SUMF2: variants seen among roughly 807,000 people sequenced by gnomAD.
SUMF2 encodes sulfatase modifying factor 2, also known as inactive C-alpha-formylglycine-generating enzyme 2.
SUMF2 carries 45 observed loss-of-function variants against 44.8 expected under a neutral mutation model. That is an observed-to-expected ratio of 1.00 (90% CI 0.79 to 1.29). The LOEUF is 1.29. Ranked by LOEUF, SUMF2 falls within the 50% of genes most tolerant of loss-of-function variation. The probability of loss-of-function intolerance (pLI) is 0.00; values close to 1 mark genes in which losing one functional copy is unlikely to be tolerated. For synonymous variants in SUMF2, 148 were observed against 150.4 expected (o/e 0.98, Z 0.12); for missense variants, 418 against 389.9 (o/e 1.07, Z -0.61).
Position 56,068,521 on chromosome 7 carries a change from G to A in SUMF2, c.107G>A (p.Gly36Glu). 6.2e-7 allele frequency: 1 copy of A among 1,613,800 alleles called. No individual in the cohort carries two copies. The change falls in exon 2 of 9, where the codon GGG becomes GAG. Residue 36 changes from glycine (G) to glutamate (E), a missense_variant. Gly to Glu is a moderately conservative substitution (Grantham distance 98). Coordinates refer to ENST00000434526, the MANE Select transcript of SUMF2 (RefSeq NM_015411.4). ...ACTAGCATGGTCCAACTGCAGGGTGGGAGATTCCTGATGGGAACAAATTCT... is the reference window on the plus strand; with the variant it reads ...ACTAGCATGGTCCAACTGCAGGGTGAGAGATTCCTGATGGGAACAAATTCT... ...QATSMVQLQG[G>E]RFLMGTNSPD...
chr7:56,069,689 C>T lies in SUMF2; in HGVS notation c.224+1051C>T, dbSNP rs776382642. ...TGATCTCAGCTCGCTGCAGCCTCTGCGTCCCAGGCTCAAACCATCACCTGG... is the reference window on the plus strand; with the variant it reads ...TGATCTCAGCTCGCTGCAGCCTCTGTGTCCCAGGCTCAAACCATCACCTGG... On this transcript the variant is annotated intron_variant, in intron 2 of 8. Transcript: ENST00000434526. 5.4e-4 allele frequency among the ~76,000 whole-genome samples: 82 copies of T among 152,060 alleles called. 1 individual carries two copies. The highest frequency in any genetic ancestry group is 6.8e-3 in the Middle Eastern group (2 of 294).
At chr7:56,069,328 G>A (rs1451329041) in intron 2 of SUMF2, among the ~76,000 whole-genome samples, 1 of 152,082 alleles carries the variant, frequency 6.6e-6, no homozygotes, top group Non-Finnish European at 1.5e-5. Flanking sequence ...TTATAGGCCA[G>A]GTGTGCTGGC....
In SUMF2 at chr7:56,073,068, TTGTCTC is replaced by T; in HGVS notation, c.299_304del (p.Val100_Ser101del). On this transcript the variant is annotated inframe_deletion, in exon 3 of 9. Transcript: ENST00000434526. ...GGATGGAGCTTTGTCTTTGAGGACT[TTGTCTC>T]TGATGAGCTGAGAAACAAAGCCACC... 1.2e-6 allele frequency: 2 copies of T among 1,608,584 alleles called. No homozygotes were observed. The highest frequency in any genetic ancestry group is 1.7e-6 in the Non-Finnish European group (2 of 1,180,000).
At chr7:56,086,249 A>T in the SUMF2 span, among the ~76,000 whole-genome samples, 9 of 151,962 alleles carry the variant, frequency 5.9e-5, no homozygotes, top group Non-Finnish European at 1.3e-4. Context: ...CCCCCAGTGG[A>T]TGCCTGAAAC....
At position 56,068,475 on chromosome 7, in the gene SUMF2, T is replaced by C; in HGVS notation, c.68-7T>C. 2 of 1,597,586 alleles carry C rather than the reference T, an allele frequency of 1.3e-6. No individual in the cohort carries two copies. The highest frequency in any genetic ancestry group is 1.7e-6 in the Non-Finnish European group (2 of 1,176,112). ...GTATTACTGGTAACTCTCTTTTTTCTCTGCAGGAAATGGACAGGCTACTAG... is the reference window on the plus strand; with the variant it reads ...GTATTACTGGTAACTCTCTTTTTTCCCTGCAGGAAATGGACAGGCTACTAG... On this transcript the variant is annotated splice_region_variant and splice_polypyrimidine_tract_variant and intron_variant, in intron 1 of 8. Coordinates refer to ENST00000434526, the MANE Select transcript of SUMF2 (RefSeq NM_015411.4).
At chr7:56,075,966 G>T (rs1795512657) in intron 5 of SUMF2, among the ~76,000 whole-genome samples, 1 of 150,176 alleles carries the variant, frequency 6.7e-6, no homozygotes, top group Admixed American at 6.6e-5. Context: ...GGGTTCAAGG[G>T]ATTCTCCTGC....
chr7:56,083,285 C>T (rs56084807), downstream of SUMF2: 236 of 1,613,868 alleles, frequency 1.5e-4, 2 homozygotes, highest in East Asian at 5.1e-3. Context: ...GACCTCGCAG[C>T]CTCTCTCCCG....
chr7:56,078,900 AT>A, intron 8 of SUMF2: 1 of 479,788 alleles, frequency 2.1e-6, no homozygotes, highest in Non-Finnish European at 3.7e-6. Flanking sequence ...CACACGAAAA[AT>A]CTTTTTTTTT....
chr7:56,080,959 C>T, downstream of SUMF2: 1 of 1,430,828 alleles, frequency 7.0e-7, no homozygotes, highest in Non-Finnish European at 9.5e-7. Flanking sequence ...AGTGCTCCTT[C>T]TGCAGAGGCC....
In SUMF2 at chr7:56,068,623, C is replaced by A. The variant is rs371197888; in HGVS notation, c.209C>A (p.Thr70Asn). ...TTTGCCATCGACATATTTCCTGTCA[C>A]CAACAAAGATTTCAGGTACATCAGG... is the stretch of plus-strand genomic sequence containing the variant. ...KPFAIDIFPV[T>N]NKDFRDFVRE... Residue 70 changes from threonine (T) to asparagine (N), a missense_variant, in exon 2 of 9, where the codon ACC becomes AAC. Thr to Asn is a moderately conservative substitution (Grantham distance 65). Transcript: ENST00000434526. The A allele has an allele frequency of 6.2e-7, 1 of 1,613,534 alleles. No homozygotes were observed. Among genetic ancestry groups the A allele is most frequent in the Non-Finnish European group, 8.5e-7 (1 of 1,179,776 alleles).
downstream of SUMF2, among the ~76,000 whole-genome samples, chr7:56,083,900 A>G (rs576288494): frequency 6.6e-6 from 1 of 152,274 alleles, no homozygotes; most frequent in African/African-American, 2.4e-5. Context: ...CTGGGAGAAA[A>G]GCAGAGGAGG....
At chr7:56,086,260 C>T in the SUMF2 span, among the ~76,000 whole-genome samples, 1 of 152,000 alleles carries the variant, frequency 6.6e-6, no homozygotes, top group African/African-American at 2.4e-5. Flanking sequence ...TGCCTGAAAC[C>T]ATGGATAGCA....
intron 1 of SUMF2, 26 bp downstream of exon 1, chr7:56,064,404 G>C: frequency 1.3e-6 from 2 of 1,588,322 alleles, no homozygotes; most frequent in Non-Finnish European, 1.7e-6. Flanking sequence ...GTCCATCCTG[G>C]GGGCGCTGGG....
intron 6 of SUMF2, among the ~76,000 whole-genome samples, chr7:56,077,161 C>T (rs1255160981): frequency 6.6e-6 from 1 of 151,296 alleles, no homozygotes; most frequent in Non-Finnish European, 1.5e-5. Flanking sequence ...ATTCTCCTGC[C>T]CCAGTCTCCC....
chr7:56,076,792 T>G, intron 5 of SUMF2, 42 bp from the exon 6 acceptor site: 2 of 1,548,148 alleles, frequency 1.3e-6, no homozygotes, highest in Admixed American at 1.9e-5. Context: ...TCCCTAATTC[T>G]TCACCTCCCC....
intron 6 of SUMF2, among the ~76,000 whole-genome samples, chr7:56,077,323 A>G (rs1269446443): frequency 6.9e-6 from 1 of 144,298 alleles, no homozygotes; most frequent in Admixed American, 6.9e-5. Context: ...TGCTGGGATT[A>G]CAGGCATGAG....
intron 1 of SUMF2, among the ~76,000 whole-genome samples, chr7:56,068,031 C>CTTTTTTTTTTTTTTTTTTTTT (rs565131237): frequency 9.1e-6 from 1 of 110,350 alleles, no homozygotes; most frequent in South Asian, 2.8e-4. Context: ...TTTTTTCTTT[C>CTTTTTTTTTTTTTTTTTTTTT]TTTTTTTTTT....
At chr7:56,074,419 T>A in intron 4 of SUMF2, 167 bp from the exon 5 acceptor site, 1 of 1,028,156 alleles carries the variant, frequency 9.7e-7, no homozygotes, top group Non-Finnish European at 1.4e-6. Flanking sequence ...CCCTTCAGCC[T>A]CCTGTAGTCT....
At chr7:56,079,504 C>T (rs1318101850) in intron 8 of SUMF2, 24 bp from the exon 9 acceptor site, 2 of 1,602,770 alleles carry the variant, frequency 1.2e-6, no homozygotes, top group South Asian at 1.1e-5. Context: ...CGTGTCTGTC[C>T]TCTCTCCCCT....
Sources: gnomAD v4.1 joint callset for allele counts (sites outside exome capture counted in the v4.1 genomes callset) on GRCh38, gnomAD v4.1.1 for gene constraint, MANE v1.5 for transcripts, NCBI Gene and HGNC (gene_info 2026-07-23, HGNC 2026-07-21) for gene names.